The following GRID2 variants were observed in gnomAD, a reference collection of about 807,000 sequenced individuals.
GRID2 encodes the protein glutamate ionotropic receptor delta type subunit 2.
In GRID2, 33 loss-of-function variants were observed where a neutral mutation model predicts 114.8. The observed-to-expected ratio is 0.29, with a 90% CI of 0.22 to 0.38. The LOEUF (loss-of-function observed/expected upper bound fraction) is 0.38. Among genes scored for constraint, GRID2 ranks in the 10% least tolerant of loss-of-function variants. The probability of loss-of-function intolerance (pLI) is 1.00; values close to 1 mark genes in which losing one functional copy is unlikely to be tolerated. For missense variants in GRID2, 1,184 were observed against 1,257.7 expected, an observed-to-expected ratio of 0.94 and a Z score of 0.89; for synonymous variants, 505 against 449.9, an observed-to-expected ratio of 1.12 and a Z score of -1.55.
intron 2 of GRID2, among the ~76,000 whole-genome samples, chr4:92,889,058 C>T (rs757125572): frequency 5.3e-5 from 8 of 151,998 alleles, no homozygotes; most frequent in Non-Finnish European, 1.0e-4. Flanking sequence ...CAAACCAAGA[C>T]AGTATGTTTT....
At chr4:92,725,830 T>G (rs1047136984) in intron 2 of GRID2, among the ~76,000 whole-genome samples, 1 of 152,142 alleles carries the variant, frequency 6.6e-6, no homozygotes, top group Non-Finnish European at 1.5e-5. Flanking sequence ...AAAGCAAACA[T>G]ACATCTAATA....
At chr4:92,619,424 T>C (rs1416608266) in intron 2 of GRID2, among the ~76,000 whole-genome samples, 2 of 151,726 alleles carry the variant, frequency 1.3e-5, no homozygotes, top group Non-Finnish European at 2.9e-5. Context: ...TGCTGTCTCA[T>C]TCCTCAGATC....
chr4:92,434,590 C>T (rs571291197), intron 1 of GRID2, among the ~76,000 whole-genome samples: 2 of 152,148 alleles, frequency 1.3e-5, no homozygotes, highest in Non-Finnish European at 2.9e-5. Context: ...TTGAAGCTAT[C>T]CTGACCTCCT....
chr4:92,551,558 T>C (rs1726591007), intron 1 of GRID2, among the ~76,000 whole-genome samples: 1 of 152,126 alleles, frequency 6.6e-6, no homozygotes, highest in Middle Eastern at 3.2e-3. Flanking sequence ...TTACATTTGT[T>C]TTAGCTAATC....
At chr4:92,649,563 C>T (rs942155048) in intron 2 of GRID2, among the ~76,000 whole-genome samples, 24 of 151,912 alleles carry the variant, frequency 1.6e-4, no homozygotes, top group African/African-American at 5.8e-4. Flanking sequence ...TAATGTTTTA[C>T]CAGCTATCTG....
chr4:92,336,619 A>T (rs541057993), intron 1 of GRID2, among the ~76,000 whole-genome samples: 1 of 152,192 alleles, frequency 6.6e-6, no homozygotes, highest in Non-Finnish European at 1.5e-5. Context: ...AAAAATTAAA[A>T]ATAACATCAT....
chr4:92,461,262 G>A (rs1400616803), intron 1 of GRID2, among the ~76,000 whole-genome samples: 4 of 151,806 alleles, frequency 2.6e-5, no homozygotes, highest in Admixed American at 2.0e-4. Context: ...ATCATTGATA[G>A]GTTCTTGGAA....
chr4:92,790,215 T>A (rs1047235856), intron 2 of GRID2, among the ~76,000 whole-genome samples: 1 of 151,764 alleles, frequency 6.6e-6, no homozygotes, highest in African/African-American at 2.4e-5. Context: ...CAAATATATG[T>A]ATATATTTTT....
At chr4:92,371,307 T>A (rs1466466278) in intron 1 of GRID2, among the ~76,000 whole-genome samples, 1 of 152,184 alleles carries the variant, frequency 6.6e-6, no homozygotes, top group Non-Finnish European at 1.5e-5. Flanking sequence ...AACATCTTCC[T>A]ATTGGAAGAA....
intron 1 of GRID2, among the ~76,000 whole-genome samples, chr4:92,461,253 T>C (rs1013421159): frequency 1.3e-5 from 2 of 152,006 alleles, no homozygotes; most frequent in Non-Finnish European, 1.5e-5. Context: ...TTAGTTAACA[T>C]CATTGATAGG....
chr4:93,700,498 G>C (rs1727417585), intron 14 of GRID2, among the ~76,000 whole-genome samples: 2 of 152,068 alleles, frequency 1.3e-5, no homozygotes, highest in Non-Finnish European at 2.9e-5. Context: ...GCAAAGAGTA[G>C]CTCATTCCAT....
At chr4:92,786,112 T>C (rs1739310385) in intron 2 of GRID2, among the ~76,000 whole-genome samples, 1 of 151,906 alleles carries the variant, frequency 6.6e-6, no homozygotes, top group Admixed American at 6.6e-5. Context: ...TCCTGAACTT[T>C]ATTCCTGTGT....
At chr4:93,548,073 A>G (rs959448536) in intron 13 of GRID2, among the ~76,000 whole-genome samples, 1 of 151,996 alleles carries the variant, frequency 6.6e-6, no homozygotes, top group Admixed American at 6.6e-5. Flanking sequence ...GCTACTTGGG[A>G]GGGTGAGGCA....
At chr4:92,578,058 T>C (rs1296192028) in intron 1 of GRID2, among the ~76,000 whole-genome samples, 3 of 51,752 alleles carry the variant, frequency 5.8e-5, no homozygotes, top group Admixed American at 2.0e-4. Context: ...TTCTTCTTCT[T>C]CTTCTTCTTC....
intron 8 of GRID2, among the ~76,000 whole-genome samples, chr4:93,359,627 T>C (rs1205423809): frequency 1.3e-5 from 2 of 151,178 alleles, no homozygotes; most frequent in African/African-American, 4.9e-5. Flanking sequence ...AGTTCAATTG[T>C]TTTGATTTTT....
At chr4:93,239,576 T>C (rs952397646) in intron 8 of GRID2, among the ~76,000 whole-genome samples, 3 of 151,566 alleles carry the variant, frequency 2.0e-5, no homozygotes, top group Non-Finnish European at 3.0e-5. Context: ...CATGCTAATA[T>C]GGATGAAACT....
intron 2 of GRID2, among the ~76,000 whole-genome samples, chr4:92,981,056 TTC>T (rs1207505674): frequency 6.6e-6 from 1 of 152,072 alleles, no homozygotes; most frequent in African/African-American, 2.4e-5. Context: ...TATAATTCAT[TTC>T]TGTCTCATTT....
At chr4:92,376,204 G>A (rs901315793) in intron 1 of GRID2, among the ~76,000 whole-genome samples, 15 of 152,074 alleles carry the variant, frequency 9.9e-5, no homozygotes, top group African/African-American at 3.6e-4. Context: ...CAGCTACTCA[G>A]AAGTCTGAGG....
chr4:93,254,817 A>T (rs994638555), intron 8 of GRID2, among the ~76,000 whole-genome samples: 3 of 152,090 alleles, frequency 2.0e-5, no homozygotes, highest in African/African-American at 7.2e-5. Context: ...TCCAAGGCAA[A>T]TTGGAAATTG....
Sources: allele counts gnomAD v4.1 joint callset (sites outside exome capture counted in the v4.1 genomes callset), GRCh38; gene constraint gnomAD v4.1.1; transcripts MANE v1.5; gene names NCBI Gene and HGNC (gene_info 2026-07-23, HGNC 2026-07-21).